The following NEK11 variants were observed in gnomAD, a reference collection of about 807,000 sequenced individuals.
NEK11 encodes serine/threonine-protein kinase Nek11.
Under a neutral mutation model 80.7 loss-of-function variants are expected in NEK11, and 72 were observed. That is an observed-to-expected ratio of 0.89 (90% CI 0.74 to 1.08). NEK11 has a LOEUF of 1.08. Ranked by LOEUF, NEK11 falls within the 50% of genes least tolerant of loss-of-function variation. The probability of loss-of-function intolerance (pLI) is 0.00; values close to 1 mark genes in which losing one functional copy is unlikely to be tolerated. For missense variants in NEK11, 764 were observed against 763.6 expected (o/e 1.00, Z -0.01); for synonymous variants, 251 against 260.7 (o/e 0.96, Z 0.36).
rs2094712151 is a variant in NEK11, at chr3:131,213,676, T to C, written c.1400-14852T>C. ...TATTCTTTTACTACTCTAAGTGTGG[T>C]TTGTGGACTAGCAGCATCTCCATCA... On this transcript the variant is annotated intron_variant, in intron 14 of 17. Coordinates refer to ENST00000383366, the MANE Select transcript of NEK11 (RefSeq NM_024800.5). Among the ~76,000 whole-genome samples, 3 of 152,114 alleles carry C rather than the reference T, an allele frequency of 2.0e-5. No individual in the cohort carries two copies. In the South Asian group the frequency reaches 6.2e-4, roughly 32 times the overall value.
chr3:131,209,932 C>G (rs1004787126), intron 14 of NEK11, among the ~76,000 whole-genome samples: 2 of 152,064 alleles, frequency 1.3e-5, no homozygotes, highest in Non-Finnish European at 2.9e-5. Flanking sequence ...TTCAAAAAAC[C>G]AGCTCTTGGA....
intron 12 of NEK11, among the ~76,000 whole-genome samples, chr3:131,165,987 T>G (rs1307691532): frequency 6.6e-6 from 1 of 152,224 alleles, no homozygotes; most frequent in Non-Finnish European, 1.5e-5. Flanking sequence ...GTCATAGATG[T>G]TCAATAATGA....
At chr3:131,327,129 C>T (rs2096981096) in intron 17 of NEK11, 1 of 152,286 alleles carries the variant, frequency 6.6e-6, no homozygotes, top group African/African-American at 2.4e-5. Flanking sequence ...TAAATTACCT[C>T]TTCCATAGTA....
intron 14 of NEK11, among the ~76,000 whole-genome samples, chr3:131,187,927 C>T (rs2150243154): frequency 6.6e-6 from 1 of 152,266 alleles, no homozygotes; most frequent in African/African-American, 2.4e-5. Flanking sequence ...AGTGTTCAAA[C>T]CAGCTGATTT....
chr3:131,260,312 A>G (rs1290822678), intron 16 of NEK11, among the ~76,000 whole-genome samples: 2 of 152,080 alleles, frequency 1.3e-5, no homozygotes, highest in Non-Finnish European at 2.9e-5. Flanking sequence ...GCCCCTTTCT[A>G]TGACCTTGTG....
intron 14 of NEK11, among the ~76,000 whole-genome samples, chr3:131,207,113 G>T (rs2094463585): frequency 6.6e-6 from 1 of 152,178 alleles, no homozygotes; most frequent in Non-Finnish European, 1.5e-5. Context: ...TGTGAATAGT[G>T]CCACAATAAA....
At chr3:131,189,985 T>C (rs1467216240) in intron 14 of NEK11, among the ~76,000 whole-genome samples, 1 of 152,212 alleles carries the variant, frequency 6.6e-6, no homozygotes, top group African/African-American at 2.4e-5. Context: ...ATTGCTCACT[T>C]ACCGTAAGAC....
intron 17 of NEK11, among the ~76,000 whole-genome samples, chr3:131,315,400 G>A (rs977822904): frequency 3.3e-5 from 5 of 151,818 alleles, no homozygotes; most frequent in Admixed American, 2.6e-4. Flanking sequence ...TTAGCACAAT[G>A]TCCTCTAAGT....
chr3:131,039,535 G>A (rs2066140505), intron 3 of NEK11, among the ~76,000 whole-genome samples: 1 of 152,162 alleles, frequency 6.6e-6, no homozygotes, highest in Non-Finnish European at 1.5e-5. Context: ...GTTGAGGGAG[G>A]CATCTGTTTT....
intron 16 of NEK11, among the ~76,000 whole-genome samples, chr3:131,271,458 G>T (rs185999036): frequency 4.6e-5 from 7 of 152,274 alleles, no homozygotes; most frequent in Admixed American, 3.3e-4. Flanking sequence ...GCAAAAGGAG[G>T]ATGTATGTGA....
intron 16 of NEK11, among the ~76,000 whole-genome samples, chr3:131,251,331 A>G (rs1472844156): frequency 6.6e-6 from 1 of 151,984 alleles, no homozygotes; most frequent in African/African-American, 2.4e-5. Flanking sequence ...AGGTACATGA[A>G]TTCTTAGATT....
At chr3:131,153,250 G>C (rs2149819000) in intron 9 of NEK11, among the ~76,000 whole-genome samples, 1 of 152,296 alleles carries the variant, frequency 6.6e-6, no homozygotes, top group Non-Finnish European at 1.5e-5. Context: ...TTGGAGCTCT[G>C]TTGACAGATC....
At chr3:131,243,173 T>C (rs563657812) in intron 15 of NEK11, among the ~76,000 whole-genome samples, 1 of 152,244 alleles carries the variant, frequency 6.6e-6, no homozygotes, top group South Asian at 2.1e-4. Flanking sequence ...TCACTCATAA[T>C]TTAATCTTTT....
intron 14 of NEK11, chr3:131,175,020 C>T (rs1169603756): frequency 1.5e-6 from 2 of 1,293,370 alleles, no homozygotes; most frequent in Admixed American, 3.7e-5. Flanking sequence ...TTGTGCTTTG[C>T]TTGCCTGTAG....
chr3:131,291,011 C>A (rs1279233161), intron 17 of NEK11, among the ~76,000 whole-genome samples: 1 of 152,126 alleles, frequency 6.6e-6, no homozygotes, highest in East Asian at 1.9e-4. Flanking sequence ...TGGGTTTCAA[C>A]CAATGTATAA....
intron 5 of NEK11, among the ~76,000 whole-genome samples, chr3:131,115,943 T>C (rs565924169): frequency 8.3e-6 from 1 of 120,234 alleles, no homozygotes; most frequent in African/African-American, 3.1e-5. Flanking sequence ...TCTTTCTTTC[T>C]TTCTTTCTTT....
intron 3 of NEK11, among the ~76,000 whole-genome samples, chr3:131,067,894 A>G (rs957472500): frequency 3.9e-5 from 6 of 152,214 alleles, no homozygotes; most frequent in Admixed American, 3.3e-4. Context: ...TCTTCATAGT[A>G]TTTTAAAACG....
At chr3:131,300,157 T>C (rs1284582531) in intron 17 of NEK11, among the ~76,000 whole-genome samples, 1 of 152,220 alleles carries the variant, frequency 6.6e-6, no homozygotes, top group Non-Finnish European at 1.5e-5. Flanking sequence ...CATATGTTTG[T>C]TGGCCACATG....
chr3:131,133,799 AG>A (rs1473497591), intron 6 of NEK11, 30 bp from the exon 7 acceptor site: 1 of 1,593,550 alleles, frequency 6.3e-7, no homozygotes, highest in Non-Finnish European at 8.6e-7. Context: ...GTTGGCTTAA[AG>A]TATTCATAAA....
Sources: gnomAD v4.1 joint callset for allele counts (sites outside exome capture counted in the v4.1 genomes callset) on GRCh38, gnomAD v4.1.1 for gene constraint, MANE v1.5 for transcripts, NCBI Gene and HGNC (gene_info 2026-07-23, HGNC 2026-07-21) for gene names.